The following RASA1 variants were observed in gnomAD, a reference collection of about 807,000 sequenced individuals.
The protein encoded by RASA1 is ras GTPase-activating protein 1.
A neutral mutation model predicts 132.2 loss-of-function variants in RASA1; 25 were observed. That is an observed-to-expected ratio of 0.19 (90% CI 0.14 to 0.26). The LOEUF (loss-of-function observed/expected upper bound fraction) is 0.26. Among genes scored for constraint, RASA1 ranks in the 10% least tolerant of loss-of-function variants. The probability of loss-of-function intolerance (pLI) is 1.00; values close to 1 mark genes in which losing one functional copy is unlikely to be tolerated. For missense variants in RASA1, 964 were observed against 1,299.2 expected, an observed-to-expected ratio of 0.74 and a Z score of 3.97; for synonymous variants, 477 against 449.9, an observed-to-expected ratio of 1.06 and a Z score of -0.76.
In RASA1 at chr5:87,322,221, G is replaced by T. The variant is rs559694325; in HGVS notation, c.540-9127G>T. On this transcript the variant is annotated intron_variant, in intron 1 of 24. Coordinates refer to ENST00000274376, the MANE Select transcript of RASA1 (RefSeq NM_002890.3). ...ACCTGTCTATGGCCTGTTAGGAGCTGGGCCACACAGCAGGAGGTGTGAGCC... is the reference window on the plus strand; with the variant it reads ...ACCTGTCTATGGCCTGTTAGGAGCTTGGCCACACAGCAGGAGGTGTGAGCC... 2.6e-5 allele frequency among the ~76,000 whole-genome samples: 4 copies of T among 152,212 alleles called. No individual in the cohort carries two copies. The South Asian group carries it at 8.3e-4, about 32-fold the overall frequency.
intron 1 of RASA1, among the ~76,000 whole-genome samples, chr5:87,273,594 T>A (rs192613941): frequency 6.6e-6 from 1 of 152,270 alleles, no homozygotes. Context: ...AAGTGGCCAT[T>A]GGTGAGAATC....
At chr5:87,374,600 T>C (rs1047877335) in intron 14 of RASA1, among the ~76,000 whole-genome samples, 1 of 151,860 alleles carries the variant, frequency 6.6e-6, no homozygotes, top group Non-Finnish European at 1.5e-5. Context: ...TACTAGGGTT[T>C]CCAGTACTTA....
At chr5:87,297,125 T>C (rs548876813) in intron 1 of RASA1, among the ~76,000 whole-genome samples, 3 of 152,330 alleles carry the variant, frequency 2.0e-5, no homozygotes, top group East Asian at 3.9e-4. Flanking sequence ...TTTTATCCTT[T>C]CTTAGAATTT....
At chr5:87,290,900 T>C (rs1232888341) in intron 1 of RASA1, among the ~76,000 whole-genome samples, 3 of 152,232 alleles carry the variant, frequency 2.0e-5, no homozygotes, top group African/African-American at 7.2e-5. Context: ...CAATTATGAA[T>C]AAAGGTGCTT....
At chr5:87,353,345 T>C in intron 9 of RASA1, 110 bp downstream of exon 9, 1 of 873,022 alleles carries the variant, frequency 1.1e-6, no homozygotes, top group Admixed American at 2.2e-5. Context: ...AACTTAAAAC[T>C]ACAGATTATT....
rs1363736849 is a variant in RASA1 at position 87,268,137 on chromosome 5, T to G, written c.-315T>G. 6.9e-6 allele frequency: 3 copies of G among 437,270 alleles called. No individual in the cohort carries two copies. Among genetic ancestry groups the G allele is most frequent in the African/African-American group, 6.1e-5 (3 of 49,106 alleles). The allele number at this position is 437,270 out of a possible 1,614,324, so 27.1% of individuals were successfully genotyped here. On this transcript the variant is annotated 5_prime_UTR_variant, in exon 1 of 25. Transcript: ENST00000274376. ...TCCCTGTGCTTCCTTTCCTCTTTAG[T>G]GCAGCGAGGAAGTTTTCGCTTCTGT...
intron 8 of RASA1, 23 bp from the exon 9 acceptor site, chr5:87,353,134 A>G (rs775686466): frequency 1.3e-6 from 2 of 1,571,028 alleles, no homozygotes; most frequent in South Asian, 2.2e-5. Flanking sequence ...ACAGATTAAT[A>G]CTAGAAATTT....
chr5:87,374,528 T>A (rs999258030), intron 14 of RASA1, among the ~76,000 whole-genome samples: 3 of 150,484 alleles, frequency 2.0e-5, no homozygotes, highest in Non-Finnish European at 4.4e-5. Flanking sequence ...GTTTTTCCAC[T>A]TAGTTATTAA....
chr5:87,268,820 G>A lies in RASA1; in HGVS notation c.369G>A (p.Leu123=), dbSNP rs779313090. 6.2e-7 allele frequency: 1 copy of A among 1,614,148 alleles called. No homozygotes were observed. The highest frequency in any genetic ancestry group is 1.1e-5 in the South Asian group (1 of 91,082). ...DMALTKLPTS[L]LAETLGPGGG... ...CTCTCACCAAACTGCCCACTTCGTT[G>A]CTTGCTGAGACTCTCGGGCCAGGCG... is the stretch of plus-strand genomic sequence containing the variant. The change falls in exon 1 of 25, where the codon TTG becomes TTA. Residue 123 remains leucine, a synonymous_variant. Coordinates refer to ENST00000274376, the MANE Select transcript of RASA1 (RefSeq NM_002890.3).
intron 1 of RASA1, among the ~76,000 whole-genome samples, chr5:87,271,347 CAA>C (rs946095766): frequency 4.1e-5 from 6 of 147,578 alleles, no homozygotes; most frequent in Non-Finnish European, 5.9e-5. Flanking sequence ...TTATGAAAAA[CAA>C]TGCAACTTTT....
At chr5:87,271,462 T>TC (rs1753833831) in intron 1 of RASA1, among the ~76,000 whole-genome samples, 1 of 122,214 alleles carries the variant, frequency 8.2e-6, no homozygotes, top group African/African-American at 3.0e-5. Flanking sequence ...CTTTTTTTTT[T>TC]TTTTTTTTTT....
intron 1 of RASA1, among the ~76,000 whole-genome samples, chr5:87,306,126 C>T (rs1755598298): frequency 6.6e-6 from 1 of 152,040 alleles, no homozygotes. Context: ...GGTATATAAC[C>T]AAAGGAATAT....
intron 23 of RASA1, among the ~76,000 whole-genome samples, chr5:87,388,439 C>G (rs1351365286): frequency 6.6e-6 from 1 of 152,100 alleles, no homozygotes. Context: ...GCTAAAAAAT[C>G]CAAAACTTGT....
intron 1 of RASA1, among the ~76,000 whole-genome samples, chr5:87,278,855 T>C (rs1313441085): frequency 1.3e-5 from 2 of 150,712 alleles, no homozygotes; most frequent in African/African-American, 4.9e-5. Context: ...CTGTGTTTTA[T>C]AACCAGAGTG....
In RASA1 at chr5:87,374,703, G is replaced by GA; in HGVS notation, c.1935-135dup. On this transcript the variant is annotated intron_variant, in intron 14 of 24. Coordinates refer to ENST00000274376, the MANE Select transcript of RASA1 (RefSeq NM_002890.3). ...TATACCAAATAATAAAATATGTTGT[G>GA]AATCTGGTTTTAGGTCTAGCACACT... The GA allele has an allele frequency of 4.1e-6, 5 of 1,234,020 alleles. No homozygotes were observed. The South Asian group carries it at 7.0e-5, about 17-fold the overall frequency. The allele number at this position is 1,234,020 out of a possible 1,614,324, so 76.4% of individuals were successfully genotyped here.
chr5:87,289,065 T>C (rs935815867), intron 1 of RASA1, among the ~76,000 whole-genome samples: 3 of 152,208 alleles, frequency 2.0e-5, no homozygotes, highest in African/African-American at 7.2e-5. Flanking sequence ...TTAATTGTTA[T>C]GTCTTTTTTG....
intron 20 of RASA1, among the ~76,000 whole-genome samples, chr5:87,381,557 A>C (rs1761717834): frequency 6.6e-6 from 1 of 152,196 alleles, no homozygotes; most frequent in Admixed American, 6.6e-5. Context: ...CCTCCAACCT[A>C]AATTTTGTCA....
At chr5:87,317,167 G>A (rs1203559497) in intron 1 of RASA1, among the ~76,000 whole-genome samples, 2 of 152,176 alleles carry the variant, frequency 1.3e-5, no homozygotes, top group African/African-American at 4.8e-5. Flanking sequence ...ACAGGTGTGA[G>A]CCACTGCGCC....
rs3840522 is a variant in RASA1 at position 87,267,958 on chromosome 5, C to CA, written c.-493dup. 76,765 of 398,582 alleles carry CA rather than the reference C, an allele frequency of 0.19. 8,226 individuals carry two copies. Among genetic ancestry groups the CA allele is most frequent in the East Asian group, 0.36 (10,010 of 27,760 alleles). 24.7% of individuals were successfully genotyped at this position (398,582 alleles called of 1,614,324 possible). A position where few individuals can be genotyped will look rare whatever the true frequency, so the allele number is the denominator to read the frequency against. On this transcript the variant is annotated 5_prime_UTR_variant, in exon 1 of 25. Coordinates refer to ENST00000274376, the MANE Select transcript of RASA1 (RefSeq NM_002890.3). ...CCCGCCCCCCTTTCTCTTGCCCCCC[C>CA]ACCCCTCTCATCTGCCTGGTGGAGG...
Sources: allele counts gnomAD v4.1 joint callset (sites outside exome capture counted in the v4.1 genomes callset), GRCh38; gene constraint gnomAD v4.1.1; transcripts MANE v1.5; gene names NCBI Gene and HGNC (gene_info 2026-07-23, HGNC 2026-07-21).